ZFPM2: variants seen among roughly 807,000 people sequenced by gnomAD.
ZFPM2 encodes the protein zinc finger protein ZFPM2.
Under a neutral mutation model 98.6 loss-of-function variants are expected in ZFPM2, and 20 were observed. That is an observed-to-expected ratio of 0.20 (90% CI 0.14 to 0.29). ZFPM2 has a LOEUF of 0.29. ZFPM2 is among the 10% of genes least tolerant of loss of function. The pLI, the probability that ZFPM2 is intolerant of heterozygous loss-of-function variation, is 1.00. For missense variants in ZFPM2, 1,310 were observed against 1,388.6 expected, an observed-to-expected ratio of 0.94 and a Z score of 0.90; for synonymous variants, 518 against 502.7, an observed-to-expected ratio of 1.03 and a Z score of -0.41.
At chr8:105,348,920 A>G (rs1812588937) in intron 1 of ZFPM2, among the ~76,000 whole-genome samples, 1 of 152,156 alleles carries the variant, frequency 6.6e-6, no homozygotes, top group Admixed American at 6.5e-5. Flanking sequence ...TTCCCATATG[A>G]TCAGCATAGA....
chr8:105,345,425 C>CTTTTTT (rs10560485), intron 1 of ZFPM2, among the ~76,000 whole-genome samples: 4 of 98,360 alleles, frequency 4.1e-5, no homozygotes, highest in Non-Finnish European at 5.9e-5. Context: ...TCGTGATGTT[C>CTTTTTT]TTTTTTTTTT....
In ZFPM2 at chr8:105,798,873, C is replaced by T; in HGVS notation, c.889C>T (p.Leu297=). 1 of 1,613,974 alleles carries T rather than the reference C, an allele frequency of 6.2e-7. No individual in the cohort carries two copies. The highest frequency in any genetic ancestry group is 8.5e-7 in the Non-Finnish European group (1 of 1,179,870). ...NEDSAHQISS[L]CPFPQCTKSF... ...AGACAGTGCCCATCAGATTTCCAGCCTGTGCCCCTTCCCACAGTGCACCAA... is the reference window on the plus strand; with the variant it reads ...AGACAGTGCCCATCAGATTTCCAGCTTGTGCCCCTTCCCACAGTGCACCAA... Residue 297 remains leucine (L), a synonymous_variant, in exon 7 of 8, where the codon CTG becomes TTG. Transcript: ENST00000407775.
chr8:105,582,829 A>G (rs1815631850), intron 4 of ZFPM2, among the ~76,000 whole-genome samples: 1 of 152,160 alleles, frequency 6.6e-6, no homozygotes, highest in African/African-American at 2.4e-5. Context: ...CCTGGGCTCA[A>G]GTGATCCACC....
At chr8:105,487,396 G>T (rs894927310) in intron 3 of ZFPM2, among the ~76,000 whole-genome samples, 1 of 152,088 alleles carries the variant, frequency 6.6e-6, no homozygotes, top group African/African-American at 2.4e-5. Flanking sequence ...TGGGATTACA[G>T]GTGTGAGCCA....
intron 1 of ZFPM2, among the ~76,000 whole-genome samples, chr8:105,328,267 A>G (rs1812151598): frequency 6.6e-6 from 1 of 151,826 alleles, no homozygotes; most frequent in East Asian, 1.9e-4. Flanking sequence ...AACATTACCT[A>G]TTAATGGAAT....
intron 1 of ZFPM2, among the ~76,000 whole-genome samples, chr8:105,362,941 A>G (rs1249584803): frequency 6.6e-6 from 1 of 152,190 alleles, no homozygotes; most frequent in Non-Finnish European, 1.5e-5. Flanking sequence ...TTCCTAAGGT[A>G]GCCGGCTGTG....
intron 4 of ZFPM2, among the ~76,000 whole-genome samples, chr8:105,614,896 T>G (rs1263820923): frequency 2.0e-5 from 3 of 152,182 alleles, no homozygotes; most frequent in Non-Finnish European, 2.9e-5. Flanking sequence ...GCATAAAAAA[T>G]GAAGACAGTG....
At chr8:105,564,554 C>T (rs921541443) in intron 4 of ZFPM2, among the ~76,000 whole-genome samples, 8 of 152,044 alleles carry the variant, frequency 5.3e-5, no homozygotes, top group East Asian at 3.9e-4. Context: ...AATAGATTAG[C>T]TCATTTAGTC....
chr8:105,585,982 G>A (rs1034164515), intron 4 of ZFPM2, among the ~76,000 whole-genome samples: 1 of 149,964 alleles, frequency 6.7e-6, no homozygotes, highest in African/African-American at 2.5e-5. Flanking sequence ...TCAGGATGTA[G>A]TGTGTATGTG....
chr8:105,403,110 A>G (rs186113910), intron 1 of ZFPM2, among the ~76,000 whole-genome samples: 84 of 152,212 alleles, frequency 5.5e-4, no homozygotes, highest in Non-Finnish European at 1.1e-3. Context: ...ATTCAAAAAT[A>G]TAACAAAGAT....
chr8:105,649,344 C>G (rs1271746182), intron 5 of ZFPM2, among the ~76,000 whole-genome samples: 1 of 152,122 alleles, frequency 6.6e-6, no homozygotes, highest in Admixed American at 6.6e-5. Context: ...ATTTGACTTC[C>G]TCTTTTCCTA....
intron 5 of ZFPM2, among the ~76,000 whole-genome samples, chr8:105,644,668 C>T (rs1429755781): frequency 2.6e-5 from 4 of 152,106 alleles, no homozygotes; most frequent in African/African-American, 9.7e-5. Flanking sequence ...ATTTATTTCT[C>T]ATGATTCCGG....
chr8:105,498,902 G>A (rs979566736), intron 3 of ZFPM2, among the ~76,000 whole-genome samples: 18 of 152,196 alleles, frequency 1.2e-4, no homozygotes, highest in Admixed American at 9.2e-4. Flanking sequence ...TCTCATGGGA[G>A]CTGCATCACC....
chr8:105,562,488 A>G (rs1815160684), intron 4 of ZFPM2, among the ~76,000 whole-genome samples: 1 of 152,170 alleles, frequency 6.6e-6, no homozygotes, highest in African/African-American at 2.4e-5. Flanking sequence ...TCTTGCAGTT[A>G]TGGAAGTCAG....
rs11461788 is a variant in ZFPM2 at position 105,439,020 on chromosome 8, G to GTT, written c.200-5253_200-5252dup. Among the ~76,000 whole-genome samples the GTT allele has an allele frequency of 4.0e-3, 613 of 151,780 alleles. 8 individuals are homozygous for GTT. The highest frequency in any genetic ancestry group is 0.013 in the African/African-American group (526 of 41,344). On this transcript the variant is annotated intron_variant, in intron 2 of 7. Transcript: ENST00000407775. ...TATATGGTCCTCAACAGAAAGCACT[G>GTT]TTTTTTTTATTTTTCATATTTCTCA...
At chr8:105,792,746 T>A (rs1813658456) in intron 6 of ZFPM2, among the ~76,000 whole-genome samples, 1 of 152,210 alleles carries the variant, frequency 6.6e-6, no homozygotes, top group South Asian at 2.1e-4. Context: ...CACTCACGAC[T>A]TGCTTTATGA....
At chr8:105,795,923 A>AAAAT in intron 6 of ZFPM2, 2 of 288,698 alleles carry the variant, frequency 6.9e-6, no homozygotes, top group Non-Finnish European at 1.4e-5. Flanking sequence ...CATCTAATCA[A>AAAAT]AAATATACTT....
At chr8:105,474,674 C>T (rs7009769) in intron 3 of ZFPM2, among the ~76,000 whole-genome samples, 2,906 of 152,238 alleles carry the variant, frequency 0.019, 93 homozygotes, top group African/African-American at 0.066. Context: ...CAATCATTAG[C>T]TATCATTCAT....
chr8:105,598,066 C>CTTTT lies in ZFPM2; in HGVS notation c.421-36166_421-36163dup, dbSNP rs76865028. Among the ~76,000 whole-genome samples, 254 of 130,170 alleles carry CTTTT rather than the reference C, an allele frequency of 2.0e-3. 2 individuals are homozygous for CTTTT. Among genetic ancestry groups the CTTTT allele is most frequent in the African/African-American group, 5.7e-3 (204 of 35,568 alleles). The allele number at this position is 130,170 out of a possible 152,430, so 85.4% of individuals were successfully genotyped here. A position where few individuals can be genotyped will look rare whatever the true frequency, so the allele number is the denominator to read the frequency against. ...CTGTTGTTCTTGGAAAAAAAAAAAC[C>CTTTT]TTTTTTTTTTTTTTTTTGGTCAGAA... is the stretch of plus-strand genomic sequence containing the variant. On this transcript the variant is annotated intron_variant, in intron 4 of 7. Coordinates refer to ENST00000407775, the MANE Select transcript of ZFPM2 (RefSeq NM_012082.4).
Sources: gnomAD v4.1 joint callset for allele counts (sites outside exome capture counted in the v4.1 genomes callset) on GRCh38, gnomAD v4.1.1 for gene constraint, MANE v1.5 for transcripts, NCBI Gene and HGNC (gene_info 2026-07-23, HGNC 2026-07-21) for gene names.